Variants in TEC observed in about 807,000 individuals in gnomAD.
TEC encodes the protein tyrosine-protein kinase Tec.
TEC carries 72 observed loss-of-function variants against 93.0 expected under a neutral mutation model. The ratio of observed to expected loss-of-function variants is 0.77; its 90% CI spans 0.64 to 0.94. The LOEUF (loss-of-function observed/expected upper bound fraction) is 0.94. Among genes scored for constraint, TEC ranks in the 40% least tolerant of loss-of-function variants. The pLI is 0.00. For synonymous variants in TEC, 249 were observed against 247.7 expected, an observed-to-expected ratio of 1.01 and a Z score of -0.05; for missense variants, 630 against 757.9, an observed-to-expected ratio of 0.83 and a Z score of 1.98.
At chr4:48,237,331 A>AAG (rs1054047669) in intron 1 of TEC, among the ~76,000 whole-genome samples, 1 of 150,876 alleles carries the variant, frequency 6.6e-6, no homozygotes, top group Non-Finnish European at 1.5e-5. Flanking sequence ...AAAAAAAAAA[A>AAG]AGAGAGAGAG....
At position 48,138,653 on chromosome 4, in the gene TEC, A is replaced by G. The variant is rs999605098; in HGVS notation, c.1812+12T>C. On this transcript the variant is annotated intron_variant, in intron 17 of 17. Coordinates refer to ENST00000381501, the MANE Select transcript of TEC (RefSeq NM_003215.3). ...AAGAGATTCAAAAAGAAAGCACACA[A>G]AAAATCTATACCTCCTGCCAACATC... 2 of 1,587,866 alleles carry G rather than the reference A, an allele frequency of 1.3e-6. No homozygotes were observed. Among genetic ancestry groups the G allele is most frequent in the Admixed American group, 1.8e-5 (1 of 54,070 alleles).
chr4:48,186,792 C>A (rs1363299333), intron 2 of TEC, among the ~76,000 whole-genome samples: 1 of 150,018 alleles, frequency 6.7e-6, no homozygotes, highest in African/African-American at 2.5e-5. Context: ...CCCTGCCAGC[C>A]GCCCCATCTG....
rs779559749 is a variant in TEC, at chr4:48,163,763, C to T, written c.676G>A (p.Glu226Lys). ...WWRARDKYGN[E>K]GYIPSNYVTG... ...ACGTAATTACTTGGGATATATCCTT[C>T]ATTCCTAGAAATAAGAAAAATACTT... is the stretch of plus-strand genomic sequence containing the variant. The change falls in exon 8 of 18, where the codon GAA becomes AAA. Residue 226 changes from glutamate to lysine, a missense_variant. By Grantham distance (56) the Glu-to-Lys change is moderately conservative (BLOSUM62 1). Transcript: ENST00000381501. The T allele has an allele frequency of 2.0e-5, 30 of 1,479,334 alleles. No homozygotes were observed. Among genetic ancestry groups the T allele is most frequent in the Non-Finnish European group, 2.5e-5 (27 of 1,088,242 alleles). 91.6% of individuals were successfully genotyped at this position (1,479,334 alleles called of 1,614,324 possible).
rs769123261 is a variant in TEC, at chr4:48,137,371, C to T, written c.*45G>A. ...AAATTAAAAGCCACAAAATGCCCAT[C>T]CTTCCTTGTGCTTGGGAATCTGGGA... On this transcript the variant is annotated 3_prime_UTR_variant, in exon 18 of 18. Coordinates refer to ENST00000381501, the MANE Select transcript of TEC (RefSeq NM_003215.3). 9 of 1,511,182 alleles carry T rather than the reference C, an allele frequency of 6.0e-6. No homozygotes were observed. The highest frequency in any genetic ancestry group is 8.2e-6 in the Non-Finnish European group (9 of 1,092,342). 93.6% of individuals were successfully genotyped at this position (1,511,182 alleles called of 1,614,324 possible). A position where few individuals can be genotyped will look rare whatever the true frequency, so the allele number is the denominator to read the frequency against.
At chr4:48,265,138 A>AT (rs1724599533) in intron 1 of TEC, among the ~76,000 whole-genome samples, 1 of 152,106 alleles carries the variant, frequency 6.6e-6, no homozygotes. Context: ...GGAGAAAGGA[A>AT]AAGACACTGA....
intron 3 of TEC, 34 bp from the exon 4 acceptor site, chr4:48,171,483 G>A (rs77019888): frequency 1.3e-6 from 2 of 1,573,634 alleles, no homozygotes; most frequent in Non-Finnish European, 8.7e-7. Context: ...TTGGTGAAGA[G>A]GACTTAGACA....
chr4:48,170,631 G>T (rs551266440), intron 4 of TEC, among the ~76,000 whole-genome samples: 1 of 152,284 alleles, frequency 6.6e-6, no homozygotes, highest in Admixed American at 6.5e-5. Flanking sequence ...AAGTCAACCT[G>T]CCACCATTTT....
intron 2 of TEC, among the ~76,000 whole-genome samples, chr4:48,223,398 T>C (rs1178400606): frequency 6.6e-6 from 1 of 152,222 alleles, no homozygotes; most frequent in Non-Finnish European, 1.5e-5. Flanking sequence ...ATATCAAGAT[T>C]ATTTCAAAGA....
At chr4:48,144,988 A>G in intron 14 of TEC, 91 bp downstream of exon 14, 3 of 1,122,100 alleles carry the variant, frequency 2.7e-6, no homozygotes, top group Non-Finnish European at 4.0e-6. Context: ...TAAGAACAAA[A>G]ATTGGCTATT....
intron 2 of TEC, among the ~76,000 whole-genome samples, chr4:48,209,325 A>G (rs1382368457): frequency 2.0e-5 from 3 of 152,218 alleles, no homozygotes; most frequent in Non-Finnish European, 4.4e-5. Context: ...GGTTGGTTAC[A>G]AAATAAATTT....
At chr4:48,168,734 C>A in intron 5 of TEC, 108 bp from the exon 6 acceptor site, 1 of 1,176,876 alleles carries the variant, frequency 8.5e-7, no homozygotes, top group Non-Finnish European at 1.2e-6. Context: ...CATAGACAAG[C>A]AGCACACTCT....
intron 2 of TEC, among the ~76,000 whole-genome samples, chr4:48,195,406 T>A (rs1046744815): frequency 1.3e-5 from 2 of 152,224 alleles, no homozygotes; most frequent in African/African-American, 4.8e-5. Context: ...AAAGCAGAGA[T>A]GGCACATTTC....
At chr4:48,162,091 A>G (rs1170403987) in intron 8 of TEC, among the ~76,000 whole-genome samples, 1 of 152,212 alleles carries the variant, frequency 6.6e-6, no homozygotes, top group African/African-American at 2.4e-5. Context: ...TGACTAATAC[A>G]ATTGTGTTAC....
intron 1 of TEC, among the ~76,000 whole-genome samples, chr4:48,265,497 G>GTATA (rs1553896941): frequency 2.4e-4 from 28 of 118,664 alleles, no homozygotes; most frequent in African/African-American, 8.2e-4. Context: ...ATATATGTGT[G>GTATA]TATATATATA....
At chr4:48,250,207 A>C (rs1355218) in intron 1 of TEC, among the ~76,000 whole-genome samples, 116,338 of 152,150 alleles carry the variant, frequency 0.76, 44,962 homozygotes, top group Middle Eastern at 0.9. Context: ...ATGGCCTCAT[A>C]ATCTCCCCAG....
chr4:48,157,392 C>G (rs1325226381), intron 8 of TEC, among the ~76,000 whole-genome samples: 2 of 152,186 alleles, frequency 1.3e-5, no homozygotes, highest in Non-Finnish European at 2.9e-5. Flanking sequence ...CCAGCAGAAC[C>G]CCAAGCCCTG....
intron 2 of TEC, among the ~76,000 whole-genome samples, chr4:48,177,480 G>A (rs1054968066): frequency 1.3e-5 from 2 of 152,040 alleles, no homozygotes; most frequent in Admixed American, 1.3e-4. Context: ...AAGCTTTGGG[G>A]TCCCCACCCC....
chr4:48,139,500 T>C (rs536538883), intron 15 of TEC, among the ~76,000 whole-genome samples: 3 of 151,584 alleles, frequency 2.0e-5, no homozygotes, highest in Non-Finnish European at 4.4e-5. Flanking sequence ...AAATAGCAAA[T>C]GCAAAAAAAC....
chr4:48,145,004 A>G, intron 14 of TEC, 75 bp downstream of exon 14: 2 of 1,371,666 alleles, frequency 1.5e-6, no homozygotes, highest in South Asian at 2.4e-5. Flanking sequence ...CTATTAATAC[A>G]TCATTGCACA....
Sources: gnomAD v4.1 joint callset for allele counts (sites outside exome capture counted in the v4.1 genomes callset) on GRCh38, gnomAD v4.1.1 for gene constraint, MANE v1.5 for transcripts, NCBI Gene and HGNC (gene_info 2026-07-23, HGNC 2026-07-21) for gene names.